Variants in CMYA5 observed in about 807,000 individuals in gnomAD.
The protein encoded by CMYA5 is cardiomyopathy associated 5.
CMYA5 carries 246 observed loss-of-function variants against 318.9 expected under a neutral mutation model. The ratio of observed to expected loss-of-function variants is 0.77; its 90% confidence interval spans 0.70 to 0.86. The LOEUF (loss-of-function observed/expected upper bound fraction) is 0.86. Ranked by LOEUF, CMYA5 falls within the 40% of genes least tolerant of loss-of-function variation. CMYA5 has a pLI of 0.00. For synonymous variants in CMYA5, 1,641 were observed against 1,729.5 expected (o/e 0.95, Z 1.27); for missense variants, 4,589 against 4,678.2 (o/e 0.98, Z 0.56).
In CMYA5 at chr5:79,690,003, G is replaced by A; in HGVS notation, c.96G>A (p.Ser32=). 1 of 1,468,992 alleles carries A rather than the reference G, an allele frequency of 6.8e-7. No individual in the cohort carries two copies. Among genetic ancestry groups the A allele is most frequent in the East Asian group, 2.8e-5 (1 of 35,890 alleles). 91.0% of individuals were successfully genotyped at this position (1,468,992 alleles called of 1,614,324 possible). A position where few individuals can be genotyped will look rare whatever the true frequency, so the allele number is the denominator to read the frequency against. ...GGGAGCTGGAGACCGAGGAGGAGTC[G>A]GAGGGCGAGGAGGACGAGACGGCGG... is the stretch of plus-strand genomic sequence containing the variant. ...ATRELETEEE[S]EGEEDETAAE... The change falls in exon 1 of 13, where the codon TCG becomes TCA. Residue 32 remains serine (S), a synonymous_variant. Transcript: ENST00000446378.
chr5:79,738,221 AC>A lies in CMYA5; in HGVS notation c.9458del (p.Pro3153ArgfsTer65). ...DTKRDVDSKS[P>X]GMPLFEAEEG... ...CAAAGAGAGATGTGGACTCAAAGTCACCGGGGATGCCTTTATTTGAAGCAGA... is the reference window on the plus strand; with the variant it reads ...CAAAGAGAGATGTGGACTCAAAGTCACGGGGATGCCTTTATTTGAAGCAGA... On this transcript the variant is annotated frameshift_variant, in exon 2 of 13. Coordinates refer to ENST00000446378, the MANE Select transcript of CMYA5 (RefSeq NM_153610.5). LOFTEE classifies it high-confidence loss of function. 6.2e-7 allele frequency: 1 copy of A among 1,613,862 alleles called. No individual in the cohort carries two copies. The highest frequency in any genetic ancestry group is 8.5e-7 in the Non-Finnish European group (1 of 1,179,848).
intron 10 of CMYA5, 128 bp from the exon 11 acceptor site, chr5:79,790,842 C>A (rs1371998945): frequency 4.7e-6 from 3 of 642,850 alleles, no homozygotes; most frequent in East Asian, 5.5e-5. Context: ...AGCTGTGGAT[C>A]TGAAGACACT....
At chr5:79,718,999 G>A in intron 1 of CMYA5, among the ~76,000 whole-genome samples, 1 of 152,086 alleles carries the variant, frequency 6.6e-6, no homozygotes, top group Non-Finnish European at 1.5e-5. Context: ...GCCTAATGAT[G>A]CATTTCTCAG....
rs1828091044 is a variant in CMYA5, at chr5:79,737,133, G to T, written c.8368G>T (p.Glu2790Ter). Residue 2790 changes from glutamate (E) to a stop codon, truncating the protein, a stop_gained, in exon 2 of 13, where the codon GAA (glutamate) becomes TAA (stop). Coordinates refer to ENST00000446378, the MANE Select transcript of CMYA5 (RefSeq NM_153610.5). LOFTEE classifies it high-confidence loss of function. ...ESMKEGFPSK[E>*]SERTLARPFD... Reference sequence around the variant, plus strand: ...TATGAAAGAAGGATTTCCATCTAAAGAATCCGAAAGGACTTTAGCTCGTCC... The same window carrying T: ...TATGAAAGAAGGATTTCCATCTAAATAATCCGAAAGGACTTTAGCTCGTCC... 6.2e-7 allele frequency: 1 copy of T among 1,613,308 alleles called. No homozygotes were observed. Among genetic ancestry groups the T allele is most frequent in the Non-Finnish European group, 8.5e-7 (1 of 1,179,670 alleles).
chr5:79,738,361 A>G lies in CMYA5; in HGVS notation c.9596A>G (p.Glu3199Gly), dbSNP rs780965483. The change falls in exon 2 of 13, where the codon GAA becomes GGA. Residue 3199 changes from glutamate (E) to glycine (G), a missense_variant. Glu to Gly is a moderately conservative substitution (Grantham distance 98). Coordinates refer to ENST00000446378, the MANE Select transcript of CMYA5 (RefSeq NM_153610.5). ...TTTTTATATAAGGATCTGTATGAAG[A>G]AGCAGTTGGAGAGAAAAAGAAGGAA... ...LAFLYKDLYE[E>G]AVGEKKKEEE... 6.2e-7 allele frequency: 1 copy of G among 1,613,690 alleles called. No homozygotes were observed. Among genetic ancestry groups the G allele is most frequent in the African/African-American group, 1.3e-5 (1 of 74,930 alleles).
chr5:79,778,934 C>T (rs1419491449), intron 9 of CMYA5, among the ~76,000 whole-genome samples: 3 of 109,078 alleles, frequency 2.8e-5, no homozygotes, highest in Admixed American at 9.9e-5. Flanking sequence ...TTATTATACT[C>T]TAAGTTTTAG....
In CMYA5 at chr5:79,785,470, C is replaced by T. The variant is rs185951834; in HGVS notation, c.11556-3501C>T. Among the ~76,000 whole-genome samples the T allele has an allele frequency of 9.5e-4, 144 of 151,946 alleles. 1 individual carries two copies. The highest frequency in any genetic ancestry group is 8.8e-4 in the Non-Finnish European group (60 of 67,960). ...TTCACTCAAGTCTTTTTTTGTTTCC[C>T]TCAGTAGCATCTTAAAAAATGTTCT... On this transcript the variant is annotated intron_variant, in intron 9 of 12. Transcript: ENST00000446378.
chr5:79,761,009 C>A (rs1364059749), intron 7 of CMYA5, among the ~76,000 whole-genome samples: 1 of 151,912 alleles, frequency 6.6e-6, no homozygotes, highest in Non-Finnish European at 1.5e-5. Context: ...ATGTGACATT[C>A]AAGAGTCATA....
At chr5:79,759,024 A>G in intron 7 of CMYA5, 122 bp downstream of exon 7, 1 of 831,804 alleles carries the variant, frequency 1.2e-6, no homozygotes, top group Non-Finnish European at 1.7e-6. Context: ...TTACAAAACA[A>G]CAACAAAACC....
chr5:79,736,080 T>C lies in CMYA5; in HGVS notation c.7315T>C (p.Leu2439=), dbSNP rs1228368512. The C allele has an allele frequency of 6.2e-7, 1 of 1,612,302 alleles. No homozygotes were observed. The highest frequency in any genetic ancestry group is 8.5e-7 in the Non-Finnish European group (1 of 1,179,508). Reference sequence around the variant, plus strand: ...GAAAGAAATGCAAAATCCTACTTCCTTGAAAATTTCTGAAGAGGAAACAAA... The same window carrying C: ...GAAAGAAATGCAAAATCCTACTTCCCTGAAAATTTCTGAAGAGGAAACAAA... ...LKKEMQNPTS[L]KISEEETKLR... is the part of the protein sequence containing the mutation. The change falls in exon 2 of 13, where the codon TTG becomes CTG. Residue 2439 remains leucine (L), a synonymous_variant. Transcript: ENST00000446378.
chr5:79,733,544 A>G lies in CMYA5; in HGVS notation c.4779A>G (p.Lys1593=). The G allele has an allele frequency of 1.2e-6, 2 of 1,613,910 alleles. No homozygotes were observed. The highest frequency in any genetic ancestry group is 2.2e-5 in the South Asian group (2 of 91,068). ...TGCTCCTCAGTGATGATAAGAACAAACCGGCAGTGGAGGTATCTTCTACAG... is the reference window on the plus strand; with the variant it reads ...TGCTCCTCAGTGATGATAAGAACAAGCCGGCAGTGGAGGTATCTTCTACAG... ...TLLLLSDDKN[K]PAVEVSSTAQ... The change falls in exon 2 of 13, where the codon AAA becomes AAG. Residue 1593 remains lysine, a synonymous_variant. Coordinates refer to ENST00000446378, the MANE Select transcript of CMYA5 (RefSeq NM_153610.5).
At chr5:79,751,994 T>G (rs16877164) in intron 5 of CMYA5, among the ~76,000 whole-genome samples, 6,177 of 152,306 alleles carry the variant, frequency 0.041, 299 homozygotes, top group African/African-American at 0.11. Flanking sequence ...TTTTTGTCAT[T>G]GTTTGTTTAA....
At chr5:79,727,765 A>G (rs942152220) in intron 1 of CMYA5, among the ~76,000 whole-genome samples, 1 of 152,184 alleles carries the variant, frequency 6.6e-6, no homozygotes, top group African/African-American at 2.4e-5. Context: ...ACAAGTGAGG[A>G]AGAGGTAGAA....
chr5:79,733,255 T>C lies in CMYA5; in HGVS notation c.4490T>C (p.Leu1497Pro), dbSNP rs1299683913. The C allele has an allele frequency of 6.2e-7, 1 of 1,613,724 alleles. No individual in the cohort carries two copies. The highest frequency in any genetic ancestry group is 8.5e-7 in the Non-Finnish European group (1 of 1,179,824). The change falls in exon 2 of 13, where the codon CTT becomes CCT. Residue 1497 changes from leucine to proline, a missense_variant. Coordinates refer to ENST00000446378, the MANE Select transcript of CMYA5 (RefSeq NM_153610.5). ...EEARVEDKQD[L>P]LFSTVCDSER... ...GCAAGGGTAGAAGACAAACAAGATC[T>C]TTTATTTTCTACAGTCTGTGACTCT...
intron 5 of CMYA5, among the ~76,000 whole-genome samples, chr5:79,751,942 T>G (rs1042128390): frequency 1.3e-5 from 2 of 152,220 alleles, no homozygotes; most frequent in African/African-American, 4.8e-5. Flanking sequence ...GCAAGTGCAG[T>G]GGGTCTGCTG....
chr5:79,752,889 T>A, intron 6 of CMYA5, 95 bp downstream of exon 6: 1 of 783,572 alleles, frequency 1.3e-6, no homozygotes, highest in Non-Finnish European at 2.1e-6. Context: ...ATTTTGAGTG[T>A]AAAGACATGT....
chr5:79,729,033 A>G lies in CMYA5; in HGVS notation c.268A>G (p.Ser90Gly). The G allele has an allele frequency of 6.2e-7, 1 of 1,614,032 alleles. No individual in the cohort carries two copies. The highest frequency in any genetic ancestry group is 8.5e-7 in the Non-Finnish European group (1 of 1,179,896). Residue 90 changes from serine (S) to glycine (G), a missense_variant, in exon 2 of 13, where the codon AGT (serine) becomes GGT (glycine). Physicochemically the swap from Ser to Gly is moderately conservative, Grantham distance 56 (BLOSUM62 0). This residue lies in a region of CMYA5 where 2,132 missense variants were observed against 2,131.3 expected (regional missense o/e 1.00). Coordinates refer to ENST00000446378, the MANE Select transcript of CMYA5 (RefSeq NM_153610.5). Reference sequence around the variant, plus strand: ...TGGGATAACCTGGGAAACCAATTCAAGTAGATCTTCTACTCCTTGGGCTTC... The same window carrying G: ...TGGGATAACCTGGGAAACCAATTCAGGTAGATCTTCTACTCCTTGGGCTTC... ...DSGITWETNSSRSSTPWASEE... is the reference protein window; with the variant it reads ...DSGITWETNSGRSSTPWASEE...
intron 1 of CMYA5, among the ~76,000 whole-genome samples, chr5:79,722,531 G>A (rs1485823638): frequency 1.3e-5 from 2 of 151,994 alleles, no homozygotes; most frequent in Non-Finnish European, 2.9e-5. Context: ...ACAAAAAATT[G>A]GCTGGCATGG....
rs772520148 is a variant in CMYA5, at chr5:79,689,860, G to A, written c.-48G>A. 2.2e-5 allele frequency: 14 copies of A among 648,092 alleles called. No homozygotes were observed. Among genetic ancestry groups the A allele is most frequent in the South Asian group, 1.2e-4 (7 of 59,402 alleles). 40.1% of individuals were successfully genotyped at this position (648,092 alleles called of 1,614,324 possible). ...CAGTCGGAGGGAGAACACCAGGCGC[G>A]GCGCGGGCGGCTCCGGCTCCGGCCC... On this transcript the variant is annotated 5_prime_UTR_variant, in exon 1 of 13. Transcript: ENST00000446378.
Sources: gnomAD v4.1 joint callset for allele counts (sites outside exome capture counted in the v4.1 genomes callset) on GRCh38, gnomAD v4.1.1 for gene constraint, gnomAD v4.1.1 regional missense constraint, MANE v1.5 for transcripts, NCBI Gene and HGNC (gene_info 2026-07-23, HGNC 2026-07-21) for gene names.